Variants in SMARCA2 observed in about 807,000 individuals in gnomAD.
SMARCA2 encodes SWI/SNF-related matrix-associated actin-dependent regulator of chromatin subfamily A member 2.
Under a neutral mutation model 199.8 loss-of-function variants are expected in SMARCA2, and 61 were observed. The observed-to-expected ratio is 0.31, with a 90% CI of 0.25 to 0.38. SMARCA2 has a LOEUF of 0.38. Among genes scored for constraint, SMARCA2 ranks in the 10% least tolerant of loss-of-function variants. The pLI is 1.00. For missense variants in SMARCA2, 1,344 were observed against 2,012.2 expected (o/e 0.67, Z 6.35); for synonymous variants, 935 against 732.0 (o/e 1.28, Z -4.48).
intron 27 of SMARCA2, among the ~76,000 whole-genome samples, chr9:2,143,901 T>G (rs1824586300): frequency 1.3e-5 from 2 of 152,180 alleles, no homozygotes; most frequent in Non-Finnish European, 2.9e-5. Context: ...ACTTCCCCCT[T>G]TCCCCTCTGA....
rs779141561 is a variant in SMARCA2, at chr9:2,016,852, C to T, written c.-37+1448C>T. ...GGCCGTCTTCCCTTCCTCCCGTTTG[C>T]GTTGCAAAACACGGCCATGCCATCT... On this transcript the variant is annotated intron_variant, in intron 1 of 33. Transcript: ENST00000349721. The surrounding 1 kb of genome is among the most constrained non-coding windows in gnomAD (Gnocchi z 5.6). Among the ~76,000 whole-genome samples the T allele has an allele frequency of 1.2e-4, 19 of 152,200 alleles. No individual in the cohort carries two copies. Among genetic ancestry groups the T allele is most frequent in the Non-Finnish European group, 2.2e-4 (15 of 68,010 alleles).
At position 2,182,192 on chromosome 9, in the gene SMARCA2, G is replaced by A. The variant is rs372383208; in HGVS notation, c.4411G>A (p.Val1471Ile). 2.5e-6 allele frequency: 4 copies of A among 1,613,768 alleles called. No homozygotes were observed. The highest frequency in any genetic ancestry group is 4.5e-5 in the East Asian group (2 of 44,892). Residue 1471 changes from valine (V) to isoleucine (I), a missense_variant, in exon 31 of 34, where the codon GTC (valine) becomes ATC (isoleucine). Val to Ile is a conservative substitution (Grantham distance 29). Transcript: ENST00000349721. ...GAGCCTAGGCGACCTGGAGAAGGAT[G>A]TCATGCTTCTCTGTCACAACGCTCA... ...YRSLGDLEKD[V>I]MLLCHNAQTF...
chr9:2,101,298 TG>T (rs1179424481), intron 21 of SMARCA2, among the ~76,000 whole-genome samples: 1 of 152,080 alleles, frequency 6.6e-6, no homozygotes, highest in African/African-American at 2.4e-5. Flanking sequence ...TATGGGCCAG[TG>T]GGTGCTCAGT....
At chr9:2,192,640 T>G in intron 33 of SMARCA2, 64 bp from the exon 34 acceptor site, 1 of 1,128,256 alleles carries the variant, frequency 8.9e-7, no homozygotes, top group South Asian at 1.2e-5. Flanking sequence ...GATGGTTTGT[T>G]GTTATATCTT....
At chr9:2,070,532 A>T (rs1821045252) in intron 10 of SMARCA2, 61 bp downstream of exon 10, 5 of 1,258,974 alleles carry the variant, frequency 4.0e-6, no homozygotes, top group Admixed American at 1.7e-5. Flanking sequence ...CATACCTGGC[A>T]GCACCATTCT....
chr9:2,131,784 G>A (rs1475367217), intron 27 of SMARCA2, among the ~76,000 whole-genome samples: 3 of 151,996 alleles, frequency 2.0e-5, no homozygotes, highest in Non-Finnish European at 4.4e-5. Context: ...TACTAAAAAT[G>A]CAAAAATTAG....
chr9:2,168,522 G>A (rs1046110162), intron 28 of SMARCA2, among the ~76,000 whole-genome samples: 2 of 152,136 alleles, frequency 1.3e-5, no homozygotes, highest in Non-Finnish European at 2.9e-5. Context: ...ATATTGCCTT[G>A]TTCCAAGGCT....
At chr9:2,172,871 C>T (rs1004233539) in intron 29 of SMARCA2, among the ~76,000 whole-genome samples, 1 of 152,230 alleles carries the variant, frequency 6.6e-6, no homozygotes, top group Admixed American at 6.5e-5. Flanking sequence ...CATGGGGATA[C>T]AGTGAGATTT....
Position 2,055,072 on chromosome 9 carries a change from T to C in SMARCA2, c.1173+349T>C, listed in dbSNP as rs368641762. The stretch of plus-strand genomic sequence containing the variant: ...ACTCCAAGGAAAAACCAGAAGGTAG[T>C]GGATTGGAGCTTCTTTGTAAGCACA... On this transcript the variant is annotated intron_variant, in intron 6 of 33. Coordinates refer to ENST00000349721, the MANE Select transcript of SMARCA2 (RefSeq NM_003070.5). Among the ~76,000 whole-genome samples the C allele has an allele frequency of 1.3e-3, 205 of 152,336 alleles. 1 individual carries two copies. The Middle Eastern group carries it at 0.014, about 10-fold the overall frequency.
intron 9 of SMARCA2, among the ~76,000 whole-genome samples, chr9:2,062,156 G>A (rs539330029): frequency 6.6e-6 from 1 of 152,318 alleles, no homozygotes; most frequent in African/African-American, 2.4e-5. Flanking sequence ...TATTACCACT[G>A]AACTGTAGAC....
In SMARCA2 at chr9:2,151,508, G is replaced by T. The variant is rs570322499; in HGVS notation, c.3982-10178G>T. On this transcript the variant is annotated intron_variant, in intron 27 of 33. Transcript: ENST00000349721. ...ACACTTTGGGAGGATGAGGCAGGTG[G>T]ATCACCTGAGGCCACGAATTTGAGA... Among the ~76,000 whole-genome samples the T allele has an allele frequency of 3.1e-3, 453 of 144,266 alleles. 6 individuals are homozygous for T. The highest frequency in any genetic ancestry group is 0.01 in the African/African-American group (410 of 40,914). The allele number at this position is 144,266 out of a possible 152,430, so 94.6% of individuals were successfully genotyped here.
intron 27 of SMARCA2, among the ~76,000 whole-genome samples, chr9:2,128,593 G>T (rs957494486): frequency 2.0e-5 from 3 of 152,194 alleles, no homozygotes; most frequent in African/African-American, 7.2e-5. Flanking sequence ...TGGTTGGGTG[G>T]GTCCTGGAGC....
chr9:2,183,286 A>G (rs1827189878), intron 31 of SMARCA2, among the ~76,000 whole-genome samples: 1 of 152,246 alleles, frequency 6.6e-6, no homozygotes, highest in African/African-American at 2.4e-5. Context: ...GGAAAAAAAG[A>G]AACACTGCCT....
At chr9:2,168,473 T>G (rs1826054809) in intron 28 of SMARCA2, among the ~76,000 whole-genome samples, 1 of 152,238 alleles carries the variant, frequency 6.6e-6, no homozygotes, top group African/African-American at 2.4e-5. Context: ...CTACATATAA[T>G]CAGCCCATTC....
intron 28 of SMARCA2, among the ~76,000 whole-genome samples, chr9:2,168,185 A>G (rs964347477): frequency 4.6e-5 from 7 of 151,662 alleles, no homozygotes; most frequent in African/African-American, 1.5e-4. Context: ...CTAATTTTGT[A>G]TTTTTGGTAG....
At chr9:2,020,710 A>C (rs931347383) in intron 1 of SMARCA2, among the ~76,000 whole-genome samples, 1 of 152,320 alleles carries the variant, frequency 6.6e-6, no homozygotes, top group South Asian at 2.1e-4. Context: ...TATGTTAAAG[A>C]GAGCTTTTAA....
chr9:2,015,854 T>G (rs1818331591), intron 1 of SMARCA2: 1 of 150,342 alleles, frequency 6.7e-6, no homozygotes, highest in African/African-American at 2.5e-5. Flanking sequence ...CCCTTAAAAG[T>G]GAGGCGGCGG....
At chr9:2,179,964 A>G (rs923184199) in intron 29 of SMARCA2, among the ~76,000 whole-genome samples, 8 of 152,260 alleles carry the variant, frequency 5.3e-5, no homozygotes, top group African/African-American at 1.7e-4. Flanking sequence ...AAATCTCAGA[A>G]TGGTAGGAAA....
At chr9:2,172,218 C>G (rs1354646508) in intron 29 of SMARCA2, among the ~76,000 whole-genome samples, 1 of 148,376 alleles carries the variant, frequency 6.7e-6, no homozygotes, top group Non-Finnish European at 1.5e-5. Context: ...AAAAGAGGCT[C>G]TTTGTAAGTA....
Sources: allele counts gnomAD v4.1 joint callset (sites outside exome capture counted in the v4.1 genomes callset), GRCh38; gene constraint gnomAD v4.1.1; non-coding constraint Gnocchi (gnomAD v3.1); transcripts MANE v1.5; gene names NCBI Gene and HGNC (gene_info 2026-07-23, HGNC 2026-07-21).